The following ARHGAP26 variants were observed in gnomAD, a reference collection of about 807,000 sequenced individuals.
ARHGAP26 encodes the protein rho GTPase-activating protein 26.
ARHGAP26 carries 38 observed loss-of-function variants against 104.8 expected under a neutral mutation model. The ratio of observed to expected loss-of-function variants is 0.36; its 90% CI spans 0.28 to 0.48. ARHGAP26 has a LOEUF of 0.48. ARHGAP26 is among the 20% of genes least tolerant of loss of function. The pLI is 0.99. For missense variants in ARHGAP26, 704 were observed against 947.9 expected, an observed-to-expected ratio of 0.74 and a Z score of 3.38; for synonymous variants, 341 against 340.0, an observed-to-expected ratio of 1.00 and a Z score of -0.03.
At chr5:142,857,073 C>T (rs571553260) in intron 1 of ARHGAP26, among the ~76,000 whole-genome samples, 1 of 152,320 alleles carries the variant, frequency 6.6e-6, no homozygotes, top group East Asian at 1.9e-4. Flanking sequence ...TGTGTCACTT[C>T]AGTTTCTCCC....
In ARHGAP26 at chr5:142,968,992, C is replaced by T. The variant is rs1017809989; in HGVS notation, c.1107+36867C>T. 1.4e-4 allele frequency among the ~76,000 whole-genome samples: 21 copies of T among 152,232 alleles called. No homozygotes were observed. In the East Asian group the frequency reaches 2.7e-3, roughly 20 times the overall value. ...TGTCACCCAGACTGGAGCGCAGTGG[C>T]GCACTCATGGCTCATTGTAGCCTTG... On this transcript the variant is annotated intron_variant, in intron 11 of 22. Transcript: ENST00000645722.
intron 11 of ARHGAP26, among the ~76,000 whole-genome samples, chr5:142,935,099 A>G (rs1765226322): frequency 6.6e-6 from 1 of 152,188 alleles, no homozygotes; most frequent in South Asian, 2.1e-4. Context: ...TTTAATTCAA[A>G]TGTGGGAAAC....
intron 17 of ARHGAP26, among the ~76,000 whole-genome samples, chr5:143,070,652 A>G (rs1262183164): frequency 6.6e-6 from 1 of 152,198 alleles, no homozygotes; most frequent in Non-Finnish European, 1.5e-5. Context: ...GCTTATGCCT[A>G]TAATCCCAGC....
intron 21 of ARHGAP26, among the ~76,000 whole-genome samples, chr5:143,211,665 C>T (rs1393888076): frequency 2.0e-5 from 3 of 151,728 alleles, no homozygotes; most frequent in East Asian, 3.9e-4. Context: ...CTCCTGGGCT[C>T]AAGCAATCCT....
At chr5:142,858,914 A>G (rs1284623795) in intron 1 of ARHGAP26, among the ~76,000 whole-genome samples, 1 of 152,204 alleles carries the variant, frequency 6.6e-6, no homozygotes, top group East Asian at 1.9e-4. Flanking sequence ...AGTGTTTCAG[A>G]AAGAGGGCAC....
At chr5:143,119,978 G>A (rs920449622) in intron 17 of ARHGAP26, among the ~76,000 whole-genome samples, 1 of 151,840 alleles carries the variant, frequency 6.6e-6, no homozygotes, top group Non-Finnish European at 1.5e-5. Context: ...CATATAAATA[G>A]CACTAAATGC....
At chr5:143,214,228 G>C in intron 22 of ARHGAP26, 140 bp downstream of exon 22, 1 of 582,982 alleles carries the variant, frequency 1.7e-6, no homozygotes, top group Non-Finnish European at 3.0e-6. Context: ...GTGCGTCTGT[G>C]TGTGTTGGTT....
intron 11 of ARHGAP26, among the ~76,000 whole-genome samples, chr5:142,956,903 A>C (rs139336775): frequency 6.6e-6 from 1 of 152,284 alleles, no homozygotes; most frequent in East Asian, 1.9e-4. Flanking sequence ...TACTATCATA[A>C]GAATAAGATG....
At chr5:143,122,094 G>A (rs985841893) in intron 18 of ARHGAP26, among the ~76,000 whole-genome samples, 1 of 152,070 alleles carries the variant, frequency 6.6e-6, no homozygotes, top group African/African-American at 2.4e-5. Context: ...CCCTTGGCCT[G>A]ACAATTCTGA....
intron 10 of ARHGAP26, among the ~76,000 whole-genome samples, chr5:142,927,319 A>T (rs1467452305): frequency 7.2e-6 from 1 of 139,356 alleles, no homozygotes. Context: ...GTCACTGCCC[A>T]TATCTCTTTT....
At position 143,226,836 on chromosome 5, in the gene ARHGAP26, A is replaced by T. The variant is rs1811718994; in HGVS notation, c.*4390A>T. ...AATCAAGTATTGACAGACTGGCATTAGCAGGACAGAGCCATACTAGTGACA... is the reference window on the plus strand; with the variant it reads ...AATCAAGTATTGACAGACTGGCATTTGCAGGACAGAGCCATACTAGTGACA... On this transcript the variant is annotated 3_prime_UTR_variant, in exon 23 of 23. Coordinates refer to ENST00000645722, the MANE Select transcript of ARHGAP26 (RefSeq NM_001135608.3). 1.3e-5 allele frequency: 3 copies of T among 225,140 alleles called. No homozygotes were observed. Among genetic ancestry groups the T allele is most frequent in the Non-Finnish European group, 2.7e-5 (3 of 112,910 alleles). 13.9% of individuals were successfully genotyped at this position (225,140 alleles called of 1,614,324 possible).
intron 10 of ARHGAP26, among the ~76,000 whole-genome samples, chr5:142,914,135 T>C (rs559511800): frequency 3.3e-5 from 5 of 152,304 alleles, no homozygotes; most frequent in Admixed American, 2.0e-4. Flanking sequence ...CCCTGGGAAG[T>C]TCATCTGTGG....
At chr5:143,210,773 A>T (rs1809338678) in intron 21 of ARHGAP26, among the ~76,000 whole-genome samples, 1 of 152,202 alleles carries the variant, frequency 6.6e-6, no homozygotes. Flanking sequence ...CATTTGAGGG[A>T]AACTCCTGTG....
Position 143,011,540 on chromosome 5 carries a change from G to A in ARHGAP26, c.1108-2540G>A, listed in dbSNP as rs576773422. Reference sequence around the variant, plus strand: ...TAAGTAAACGAATTGCAAGCAACATGGGAAATTATTATTTAGGAGGTCTTC... The same window carrying A: ...TAAGTAAACGAATTGCAAGCAACATAGGAAATTATTATTTAGGAGGTCTTC... On this transcript the variant is annotated intron_variant, in intron 11 of 22. Transcript: ENST00000645722. Among the ~76,000 whole-genome samples, 7 of 152,170 alleles carry A rather than the reference G, an allele frequency of 4.6e-5. No individual in the cohort carries two copies. The East Asian group carries it at 5.8e-4, about 13-fold the overall frequency.
rs1006533625 is a variant in ARHGAP26, at chr5:142,871,560, C to A, written c.155-1840C>A. Among the ~76,000 whole-genome samples, 1 of 152,206 alleles carries A rather than the reference C, an allele frequency of 6.6e-6. No homozygotes were observed. Among genetic ancestry groups the A allele is most frequent in the Non-Finnish European group, 1.5e-5 (1 of 68,042 alleles). On this transcript the variant is annotated intron_variant, in intron 1 of 22. Transcript: ENST00000645722. This position sits in a 1 kb window ranked among gnomAD's most constrained non-coding sequence, Gnocchi z 4.1. ...AAAATGGGAATGTGTATAACCACAC[C>A]CACATTTGATGCACACACATTTGGA...
At chr5:143,209,279 A>G (rs1259840419) in intron 21 of ARHGAP26, among the ~76,000 whole-genome samples, 6 of 151,976 alleles carry the variant, frequency 3.9e-5, no homozygotes, top group Non-Finnish European at 8.8e-5. Context: ...ACTCGTTTTC[A>G]TCTCCCCAAA....
At chr5:142,840,892 A>G (rs1383120668) in intron 1 of ARHGAP26, among the ~76,000 whole-genome samples, 1 of 152,232 alleles carries the variant, frequency 6.6e-6, no homozygotes, top group Non-Finnish European at 1.5e-5. Flanking sequence ...TAATGTAAGA[A>G]CATAAAAGGA....
intron 1 of ARHGAP26, among the ~76,000 whole-genome samples, chr5:142,795,820 A>G (rs1231986426): frequency 6.6e-6 from 1 of 152,184 alleles, no homozygotes; most frequent in Non-Finnish European, 1.5e-5. Context: ...TCTCAGCCCT[A>G]TTACCTACCA....
intron 1 of ARHGAP26, among the ~76,000 whole-genome samples, chr5:142,802,275 A>G (rs924257862): frequency 7.2e-5 from 11 of 152,172 alleles, no homozygotes; most frequent in Non-Finnish European, 8.8e-5. Context: ...AGCTGTACCC[A>G]GTTAGCAGGA....
Sources: allele counts gnomAD v4.1 joint callset (sites outside exome capture counted in the v4.1 genomes callset), GRCh38; gene constraint gnomAD v4.1.1; non-coding constraint Gnocchi (gnomAD v3.1); transcripts MANE v1.5; gene names NCBI Gene and HGNC (gene_info 2026-07-23, HGNC 2026-07-21).